FAM184A: variants seen among roughly 807,000 people sequenced by gnomAD.
The protein encoded by FAM184A is family with sequence similarity 184 member A, also known as protein FAM184A.
FAM184A carries 99 observed loss-of-function variants against 143.8 expected under a neutral mutation model. The ratio of observed to expected loss-of-function variants is 0.69; its 90% CI spans 0.58 to 0.81. FAM184A has a LOEUF of 0.81. Ranked by LOEUF, FAM184A falls within the 40% of genes least tolerant of loss-of-function variation. The pLI, the probability that FAM184A is intolerant of heterozygous loss-of-function variation, is 0.00. For missense variants in FAM184A, 1,217 were observed against 1,310.5 expected (o/e 0.93, Z 1.10); for synonymous variants, 427 against 446.4 (o/e 0.96, Z 0.55).
intron 1 of FAM184A, among the ~76,000 whole-genome samples, chr6:119,102,594 C>A (rs2114836587): frequency 6.6e-6 from 1 of 151,782 alleles, no homozygotes; most frequent in Non-Finnish European, 1.5e-5. Flanking sequence ...TTGAGACCAG[C>A]CTGGCCAATA....
intron 1 of FAM184A, among the ~76,000 whole-genome samples, chr6:119,096,497 G>A (rs1438396506): frequency 1.2e-5 from 1 of 85,716 alleles, no homozygotes; most frequent in Admixed American, 1.4e-4. Context: ...TTAGCCGGGC[G>A]CGGTGGCGGG....
At chr6:119,123,700 G>A (rs1789286284) in intron 1 of FAM184A, among the ~76,000 whole-genome samples, 1 of 152,112 alleles carries the variant, frequency 6.6e-6, no homozygotes, top group Admixed American at 6.5e-5. Flanking sequence ...TCAGTCCGTT[G>A]GAGGCTTGGA....
At chr6:118,989,424 T>G (rs1057337944) in intron 9 of FAM184A, among the ~76,000 whole-genome samples, 6 of 126,438 alleles carry the variant, frequency 4.7e-5, no homozygotes, top group African/African-American at 1.4e-4. Context: ...ATTTTTATAT[T>G]TATATTGCTA....
chr6:118,969,993 A>ATAATATATATATAT (rs1189865476), intron 14 of FAM184A, among the ~76,000 whole-genome samples: 3 of 24,376 alleles, frequency 1.2e-4, no homozygotes, highest in African/African-American at 4.3e-4. Context: ...ATATATATAT[A>ATAATATATATATAT]ATATATATAT....
intron 1 of FAM184A, among the ~76,000 whole-genome samples, chr6:119,133,444 G>C (rs919505433): frequency 6.6e-6 from 1 of 152,190 alleles, no homozygotes; most frequent in African/African-American, 2.4e-5. Flanking sequence ...AAGGAAGGAA[G>C]TAGGATTGGG....
At chr6:118,975,548 G>C (rs1361258548) in intron 12 of FAM184A, among the ~76,000 whole-genome samples, 3 of 152,226 alleles carry the variant, frequency 2.0e-5, no homozygotes, top group African/African-American at 7.2e-5. Context: ...TCCTCAGTAA[G>C]TTTTACATGA....
chr6:119,139,863 T>C (rs1406366694), intron 1 of FAM184A, among the ~76,000 whole-genome samples: 2 of 152,236 alleles, frequency 1.3e-5, no homozygotes, highest in African/African-American at 2.4e-5. Context: ...GGTAAGAAAC[T>C]GCCAATTCAA....
chr6:119,082,834 T>A (rs1788110225), upstream of FAM184A, among the ~76,000 whole-genome samples: 1 of 152,192 alleles, frequency 6.6e-6, no homozygotes, highest in African/African-American at 2.4e-5. Flanking sequence ...ATCTGTAGGA[T>A]GGTGGCCCTC....
At chr6:119,043,154 A>G in intron 1 of FAM184A, among the ~76,000 whole-genome samples, 1 of 152,196 alleles carries the variant, frequency 6.6e-6, no homozygotes, top group East Asian at 1.9e-4. Flanking sequence ...CCTAATGACT[A>G]TGAAATAACC....
chr6:119,016,932 C>A lies in FAM184A; in HGVS notation c.1345G>T (p.Ala449Ser). The A allele has an allele frequency of 6.3e-7, 1 of 1,599,658 alleles. No individual in the cohort carries two copies. Among genetic ancestry groups the A allele is most frequent in the South Asian group, 1.1e-5 (1 of 88,154 alleles). Reference sequence around the variant, plus strand: ...TAATATTCTTGCTGAGTTCTCTTTGCTTCATTTACTTTCTAAAATTAAAAC... The same window carrying A: ...TAATATTCTTGCTGAGTTCTCTTTGATTCATTTACTTTCTAAAATTAAAAC... ...ILELEKKVNE[A>S]KRTQQEYYER... Residue 449 changes from alanine (A) to serine (S), a missense_variant, in exon 5 of 18, where the codon GCA (alanine) becomes TCA (serine). By Grantham distance (99) the Ala-to-Ser change is moderately conservative. Coordinates refer to ENST00000338891, the MANE Select transcript of FAM184A (RefSeq NM_024581.6).
intron 1 of FAM184A, among the ~76,000 whole-genome samples, chr6:119,026,525 G>A (rs1159701027): frequency 6.6e-6 from 1 of 152,072 alleles, no homozygotes; most frequent in East Asian, 1.9e-4. Context: ...TCTTAGCCAA[G>A]TGGACCCCAA....
chr6:118,963,369 A>C (rs1408426727), intron 16 of FAM184A: 1 of 152,064 alleles, frequency 6.6e-6, no homozygotes, highest in East Asian at 1.9e-4. Flanking sequence ...TATAATTAAA[A>C]TCTTATTTCA....
At chr6:119,028,811 T>G (rs1785761669) in intron 1 of FAM184A, among the ~76,000 whole-genome samples, 1 of 152,164 alleles carries the variant, frequency 6.6e-6, no homozygotes, top group Admixed American at 6.5e-5. Context: ...AGTTGGCATC[T>G]GAATGAGGGC....
chr6:118,962,874 C>A (rs1285872475), intron 16 of FAM184A: 1 of 151,938 alleles, frequency 6.6e-6, no homozygotes. Flanking sequence ...TCATATTTTA[C>A]TAATTAGATG....
chr6:119,016,866 C>T lies in FAM184A; in HGVS notation c.1411G>A (p.Glu471Lys). The T allele has an allele frequency of 6.2e-7, 1 of 1,614,008 alleles. No individual in the cohort carries two copies. Among genetic ancestry groups the T allele is most frequent in the Non-Finnish European group, 8.5e-7 (1 of 1,179,900 alleles). ...LKNLQSRLEE[E>K]VTQLNEAHSK... is the part of the protein sequence containing the mutation. ...TGGGCCTCGTTTAATTGAGTCACCT[C>T]CTCTTCCAATCTACTTTGCAGGTTT... Residue 471 changes from glutamate (E) to lysine (K), a missense_variant, in exon 5 of 18, where the codon GAG (glutamate) becomes AAG (lysine). Physicochemically the swap from Glu to Lys is moderately conservative, Grantham distance 56. Coordinates refer to ENST00000338891, the MANE Select transcript of FAM184A (RefSeq NM_024581.6).
intron 1 of FAM184A, among the ~76,000 whole-genome samples, chr6:119,057,628 G>A (rs1787037298): frequency 6.6e-6 from 1 of 152,250 alleles, no homozygotes; most frequent in East Asian, 1.9e-4. Flanking sequence ...TGTAGTTCCA[G>A]CTACTCGGGG....
At chr6:119,050,320 T>A (rs1786701417) in intron 1 of FAM184A, among the ~76,000 whole-genome samples, 1 of 152,158 alleles carries the variant, frequency 6.6e-6, no homozygotes, top group Non-Finnish European at 1.5e-5. Context: ...AGCAATCCCA[T>A]TACTGGGTAT....
chr6:119,131,734 C>A (rs1041261875), intron 1 of FAM184A, among the ~76,000 whole-genome samples: 2 of 152,042 alleles, frequency 1.3e-5, no homozygotes, highest in African/African-American at 4.8e-5. Context: ...TCCCCCCACC[C>A]AGCCCCCCAA....
chr6:118,991,751 CTTTTTTTTTTTT>C (rs61476918), intron 9 of FAM184A, among the ~76,000 whole-genome samples: 23 of 42,376 alleles, frequency 5.4e-4, no homozygotes, highest in Non-Finnish European at 9.2e-4. Flanking sequence ...CCTGAGAGGA[CTTTTTTTTTTTT>C]TTTTTTTTTT....
Sources: allele counts gnomAD v4.1 joint callset (sites outside exome capture counted in the v4.1 genomes callset), GRCh38; gene constraint gnomAD v4.1.1; transcripts MANE v1.5; gene names NCBI Gene and HGNC (gene_info 2026-07-23, HGNC 2026-07-21).